Variants in PHF14 observed in about 807,000 individuals in gnomAD.
PHF14 encodes PHD finger protein 14.
PHF14 carries 55 observed loss-of-function variants against 117.9 expected under a neutral mutation model. That is an observed-to-expected ratio of 0.47 (90% CI 0.38 to 0.58). PHF14 has a LOEUF of 0.58. Ranked by LOEUF, PHF14 falls within the 20% of genes least tolerant of loss-of-function variation. The pLI is 0.00. For synonymous variants in PHF14, 409 were observed against 368.6 expected (o/e 1.11, Z -1.26); for missense variants, 978 against 1,122.2 (o/e 0.87, Z 1.84).
intron 6 of PHF14, among the ~76,000 whole-genome samples, chr7:11,027,462 C>T (rs1158912009): frequency 1.3e-5 from 2 of 151,876 alleles, no homozygotes; most frequent in African/African-American, 4.8e-5. Context: ...ACATCTTTTT[C>T]TTTTATGAAG....
chr7:11,144,105 TATATGAAAAA>T (rs1788476577), intron 17 of PHF14, among the ~76,000 whole-genome samples: 1 of 152,040 alleles, frequency 6.6e-6, no homozygotes, highest in Non-Finnish European at 1.5e-5. Flanking sequence ...AGTCAATAAG[TATATGAAAAA>T]ATGCTCAAAA....
intron 16 of PHF14, chr7:11,107,012 A>G (rs945530835): frequency 1.0e-5 from 10 of 983,616 alleles, no homozygotes; most frequent in Non-Finnish European, 1.2e-5. Flanking sequence ...GCTTCTTTCT[A>G]AAGTTTAGCT....
chr7:11,118,340 G>A (rs1787656856), intron 17 of PHF14, among the ~76,000 whole-genome samples: 1 of 151,792 alleles, frequency 6.6e-6, no homozygotes, highest in Admixed American at 6.6e-5. Context: ...ATCCTCTACT[G>A]TAGAACAAGG....
chr7:11,063,765 AGTC>A (rs2128330293), intron 16 of PHF14: 1 of 756,410 alleles, frequency 1.3e-6, no homozygotes, highest in South Asian at 6.0e-5. Flanking sequence ...ATCATATTTT[AGTC>A]GTTTAATAAA....
chr7:11,096,867 G>GA (rs920832637), intron 16 of PHF14, among the ~76,000 whole-genome samples: 15 of 147,228 alleles, frequency 1.0e-4, no homozygotes, highest in African/African-American at 2.0e-4. Flanking sequence ...CTATATACTG[G>GA]AAAAAAAAAC....
intron 16 of PHF14, chr7:11,106,069 T>A: frequency 3.1e-6 from 3 of 983,210 alleles, no homozygotes; most frequent in Non-Finnish European, 3.6e-6. Context: ...CTAATTCTTC[T>A]CTCATGCTGT....
intron 7 of PHF14, among the ~76,000 whole-genome samples, chr7:11,034,911 T>C (rs1362902088): frequency 7.2e-5 from 11 of 152,292 alleles, no homozygotes; most frequent in Admixed American, 4.6e-4. Flanking sequence ...AATGCCACAC[T>C]TATCTTGTTG....
intron 17 of PHF14, among the ~76,000 whole-genome samples, chr7:11,160,328 A>T (rs1013697468): frequency 3.9e-5 from 6 of 152,168 alleles, no homozygotes; most frequent in African/African-American, 1.4e-4. Context: ...GGTTGATTAC[A>T]TGTCTTCGCT....
intron 7 of PHF14, among the ~76,000 whole-genome samples, chr7:11,034,189 T>G (rs1321285814): frequency 6.6e-6 from 1 of 152,074 alleles, no homozygotes; most frequent in Non-Finnish European, 1.5e-5. Context: ...ATGTCTCTCC[T>G]CGGTAGTGTT....
Position 11,028,834 on chromosome 7 carries a change from C to A in PHF14, c.1455+16C>A, listed in dbSNP as rs1377781311. ...GGCGGAAGAGGTAGGTTTATTTAAACCCATAGTTGGTGAACATGTTCACAA... is the reference window on the plus strand; with the variant it reads ...GGCGGAAGAGGTAGGTTTATTTAAAACCATAGTTGGTGAACATGTTCACAA... On this transcript the variant is annotated intron_variant, in intron 7 of 17. Coordinates refer to ENST00000634607, the MANE Select transcript of PHF14 (RefSeq NM_001007157.2). The A allele has an allele frequency of 1.9e-6, 3 of 1,609,850 alleles. 1 individual carries two copies. Among genetic ancestry groups the A allele is most frequent in the South Asian group, 2.2e-5 (2 of 90,766 alleles).
Position 11,051,538 on chromosome 7 carries a change from G to A in PHF14, c.2313-74G>A, listed in dbSNP as rs905800635. 3.3e-6 allele frequency: 4 copies of A among 1,201,716 alleles called. No individual in the cohort carries two copies. In the African/African-American group the frequency reaches 4.6e-5, roughly 14 times the overall value. 74.4% of individuals were successfully genotyped at this position (1,201,716 alleles called of 1,614,324 possible). On this transcript the variant is annotated intron_variant, in intron 13 of 17. Transcript: ENST00000634607. ...TATTATTCTTATATACCTGGATTTT[G>A]TATTTATAAAAACTATAGCTAAAGC...
At chr7:11,067,769 A>G (rs1583431058) in intron 16 of PHF14, among the ~76,000 whole-genome samples, 1 of 152,134 alleles carries the variant, frequency 6.6e-6, no homozygotes, top group African/African-American at 2.4e-5. Flanking sequence ...CTCATGGTGA[A>G]AGGTAAAGGA....
intron 14 of PHF14, among the ~76,000 whole-genome samples, chr7:11,059,110 C>T (rs939644225): frequency 6.6e-6 from 1 of 152,012 alleles, no homozygotes; most frequent in African/African-American, 2.4e-5. Flanking sequence ...AGAAATGGAG[C>T]TATACCATTG....
chr7:11,083,382 C>T (rs1301924097), intron 16 of PHF14, among the ~76,000 whole-genome samples: 1 of 151,704 alleles, frequency 6.6e-6, no homozygotes, highest in African/African-American at 2.4e-5. Flanking sequence ...CACCGTCTCT[C>T]TTTCTCCCCG....
chr7:11,052,931 TAA>T (rs1345364034), intron 14 of PHF14, among the ~76,000 whole-genome samples: 1 of 152,152 alleles, frequency 6.6e-6, no homozygotes, highest in African/African-American at 2.4e-5. Context: ...ATATTTTAAA[TAA>T]AAGTTTGGTG....
intron 16 of PHF14, among the ~76,000 whole-genome samples, chr7:11,084,086 C>A (rs1396671460): frequency 2.0e-5 from 3 of 152,090 alleles, no homozygotes; most frequent in Admixed American, 2.0e-4. Flanking sequence ...GCATTACTAT[C>A]TGTTTAAAAT....
intron 16 of PHF14, among the ~76,000 whole-genome samples, chr7:11,072,669 A>G (rs753703739): frequency 2.9e-4 from 44 of 149,434 alleles, no homozygotes; most frequent in Non-Finnish European, 1.3e-4. Context: ...TATAGTGCTT[A>G]TTGTGTTTGT....
At chr7:11,028,413 A>C (rs1470713295) in intron 6 of PHF14, among the ~76,000 whole-genome samples, 1 of 152,212 alleles carries the variant, frequency 6.6e-6, no homozygotes, top group Non-Finnish European at 1.5e-5. Context: ...ACTGGCACAT[A>C]GTAAGTCCTC....
chr7:11,031,856 G>A (rs1449521863), intron 7 of PHF14, among the ~76,000 whole-genome samples: 3 of 152,108 alleles, frequency 2.0e-5, no homozygotes, highest in African/African-American at 7.2e-5. Flanking sequence ...ATAGTCTAAA[G>A]TTACTTATAG....
Sources: allele counts gnomAD v4.1 joint callset (sites outside exome capture counted in the v4.1 genomes callset), GRCh38; gene constraint gnomAD v4.1.1; transcripts MANE v1.5; gene names NCBI Gene and HGNC (gene_info 2026-07-23, HGNC 2026-07-21).